Variants in SPATC1 observed in about 807,000 individuals in gnomAD.
The protein encoded by SPATC1 is speriolin.
In SPATC1, 35 loss-of-function variants were observed where a neutral mutation model predicts 36.5. The ratio of observed to expected loss-of-function variants is 0.96; its 90% CI spans 0.73 to 1.27. The LOEUF is 1.27. Ranked by LOEUF, SPATC1 falls within the 50% of genes most tolerant of loss-of-function variation. The probability of loss-of-function intolerance (pLI) is 0.00; values close to 1 mark genes in which losing one functional copy is unlikely to be tolerated. For missense variants in SPATC1, 779 were observed against 796.0 expected (o/e 0.98, Z 0.26); for synonymous variants, 361 against 353.6 (o/e 1.02, Z -0.24).
rs1289926620 is a variant in SPATC1, at chr8:144,041,813, A to C, written c.1446+442A>C. Among the ~76,000 whole-genome samples the C allele has an allele frequency of 1.3e-4, 20 of 152,306 alleles. No individual in the cohort carries two copies. In the South Asian group the frequency reaches 1.9e-3, roughly 14 times the overall value. On this transcript the variant is annotated intron_variant, in intron 4 of 4. Transcript: ENST00000377470. ...TCTCTTGAGAAAACAGCCCAGCTGCATTCCCGGCTGCTTTTTCTCTCCAGC... is the reference window on the plus strand; with the variant it reads ...TCTCTTGAGAAAACAGCCCAGCTGCCTTCCCGGCTGCTTTTTCTCTCCAGC...
chr8:144,046,883 C>G lies in SPATC1; in HGVS notation c.1703C>G (p.Ala568Gly). 1.3e-6 allele frequency: 2 copies of G among 1,599,950 alleles called. No individual in the cohort carries two copies. Among genetic ancestry groups the G allele is most frequent in the Non-Finnish European group, 1.7e-6 (2 of 1,179,766 alleles). ...VVETVHPGML[A>G]DALLLLSCLS... Reference sequence around the variant, plus strand: ...GAGACCGTGCACCCCGGCATGCTCGCCGACGCGCTGCTGCTGCTCTCCTGC... The same window carrying G: ...GAGACCGTGCACCCCGGCATGCTCGGCGACGCGCTGCTGCTGCTCTCCTGC... Residue 568 changes from alanine (A) to glycine (G), a missense_variant, in exon 5 of 5, where the codon GCC becomes GGC. By Grantham distance (60) the Ala-to-Gly change is moderately conservative. Coordinates refer to ENST00000377470, the MANE Select transcript of SPATC1 (RefSeq NM_198572.3). This position sits in a 1 kb window ranked among gnomAD's most constrained non-coding sequence, Gnocchi z 6.6.
At position 144,016,064 on chromosome 8, in the gene SPATC1, CAAAAAAA is replaced by C. The variant is rs574460237; in HGVS notation, c.211+3346_211+3352del. On this transcript the variant is annotated intron_variant, in intron 1 of 4. Transcript: ENST00000377470. The surrounding 1 kb of genome is among the most constrained non-coding windows in gnomAD (Gnocchi z 4.5). ...GCTGGAGACTTTTGAGACTCTGTCT[CAAAAAAA>C]AAAAAAAGAAAAAAGAAAGAAAGAA... Among the ~76,000 whole-genome samples the C allele has an allele frequency of 1.4e-3, 109 of 78,480 alleles. No individual in the cohort carries two copies. Among genetic ancestry groups the C allele is most frequent in the Non-Finnish European group, 1.4e-3 (51 of 36,138 alleles). 51.5% of individuals were successfully genotyped at this position (78,480 alleles called of 152,430 possible).
At chr8:144,029,634 T>G (rs1488871735) in intron 1 of SPATC1, among the ~76,000 whole-genome samples, 1 of 152,206 alleles carries the variant, frequency 6.6e-6, no homozygotes, top group Non-Finnish European at 1.5e-5. Flanking sequence ...TTTACAGATT[T>G]CCATCTGTTA....
chr8:144,029,066 G>A (rs1405556329), intron 1 of SPATC1, among the ~76,000 whole-genome samples: 3 of 151,838 alleles, frequency 2.0e-5, no homozygotes, highest in African/African-American at 4.8e-5. Flanking sequence ...GGTTGGGGGA[G>A]GGAGAGCATC....
intron 4 of SPATC1, among the ~76,000 whole-genome samples, chr8:144,044,515 C>A (rs1194393352): frequency 2.7e-5 from 4 of 148,786 alleles, no homozygotes; most frequent in African/African-American, 5.0e-5. Context: ...TCACAGTGTT[C>A]GCCAGGATGG....
intron 1 of SPATC1, among the ~76,000 whole-genome samples, chr8:144,026,101 C>T (rs1443475605): frequency 2.0e-5 from 3 of 152,082 alleles, no homozygotes; most frequent in East Asian, 3.9e-4. Flanking sequence ...CCTCTCACCA[C>T]CCCCTCCCCA....
intron 1 of SPATC1, 149 bp downstream of exon 1, chr8:144,012,875 ATGTGCTTCC>A: frequency 1.2e-6 from 1 of 819,282 alleles, no homozygotes; most frequent in Non-Finnish European, 1.9e-6. Flanking sequence ...TCACCAGACA[ATGTGCTTCC>A]TGTCCTGGAG....
intron 4 of SPATC1, chr8:144,041,956 GT>G: frequency 1.0e-6 from 1 of 985,304 alleles, no homozygotes; most frequent in Non-Finnish European, 1.2e-6. Context: ...AGTTTTGTGT[GT>G]GTGGGATTTT....
At chr8:144,036,950 C>G (rs1834910908) in intron 1 of SPATC1, among the ~76,000 whole-genome samples, 1 of 151,786 alleles carries the variant, frequency 6.6e-6, no homozygotes, top group African/African-American at 2.4e-5. Flanking sequence ...GATGCCGGAG[C>G]TGCTATGGTG....
At chr8:144,028,531 A>G (rs1321590064) in intron 1 of SPATC1, among the ~76,000 whole-genome samples, 2 of 152,226 alleles carry the variant, frequency 1.3e-5, no homozygotes, top group Non-Finnish European at 2.9e-5. Context: ...CACAATGGCA[A>G]TTATTAAAAA....
chr8:144,031,007 T>G (rs1447669850), intron 1 of SPATC1, among the ~76,000 whole-genome samples: 1 of 152,226 alleles, frequency 6.6e-6, no homozygotes, highest in Non-Finnish European at 1.5e-5. Context: ...TTATAATCAT[T>G]GTTTTATACA....
rs947447665 is a variant in SPATC1, at chr8:144,027,116, G to A, written c.212-12793G>A. Among the ~76,000 whole-genome samples, 9 of 151,428 alleles carry A rather than the reference G, an allele frequency of 5.9e-5. No homozygotes were observed. In the South Asian group the frequency reaches 1.9e-3, roughly 32 times the overall value. ...CAAACTGCTGGGATTACAGGCGTGAGCCACCACACCCAGCTTATTTCTTAA... is the reference window on the plus strand; with the variant it reads ...CAAACTGCTGGGATTACAGGCGTGAACCACCACACCCAGCTTATTTCTTAA... On this transcript the variant is annotated intron_variant, in intron 1 of 4. Transcript: ENST00000377470.
chr8:144,028,160 A>G (rs1834723415), intron 1 of SPATC1, among the ~76,000 whole-genome samples: 1 of 152,174 alleles, frequency 6.6e-6, no homozygotes, highest in African/African-American at 2.4e-5. Flanking sequence ...AGATTTCATG[A>G]CAGAAACTTC....
intron 4 of SPATC1, among the ~76,000 whole-genome samples, chr8:144,043,192 G>C (rs1257449166): frequency 1.3e-5 from 2 of 150,888 alleles, no homozygotes. Context: ...ATGGGGTTTT[G>C]CCATGTTGGC....
At chr8:144,038,001 C>T (rs1405029944) in intron 1 of SPATC1, among the ~76,000 whole-genome samples, 2 of 151,130 alleles carry the variant, frequency 1.3e-5, no homozygotes, top group African/African-American at 2.4e-5. Flanking sequence ...AGGTGGCGGG[C>T]GCCTGTAATC....
At chr8:144,017,383 C>T (rs1276662652) in intron 1 of SPATC1, among the ~76,000 whole-genome samples, 12 of 152,158 alleles carry the variant, frequency 7.9e-5, no homozygotes, top group African/African-American at 2.9e-4. Flanking sequence ...CTACCCTTCT[C>T]CCTTATGCTC....
At chr8:144,044,491 G>A (rs1295711724) in intron 4 of SPATC1, among the ~76,000 whole-genome samples, 1 of 148,874 alleles carries the variant, frequency 6.7e-6, no homozygotes, top group Non-Finnish European at 1.5e-5. Context: ...TGCATTTTTA[G>A]TAAAGACGGG....
In SPATC1 at chr8:144,045,840, C is replaced by A. The variant is rs1835244799; in HGVS notation, c.1447-787C>A. Among the ~76,000 whole-genome samples, 1 of 152,266 alleles carries A rather than the reference C, an allele frequency of 6.6e-6. No homozygotes were observed. The highest frequency in any genetic ancestry group is 1.5e-5 in the Non-Finnish European group (1 of 68,042). ...GAGCTGGGCACTGGGCTTCCCACAA[C>A]TGCCCAGGTCACACATCCAGGGGGC... is the stretch of plus-strand genomic sequence containing the variant. On this transcript the variant is annotated intron_variant, in intron 4 of 4. Transcript: ENST00000377470. This position sits in a 1 kb window ranked among gnomAD's most constrained non-coding sequence, Gnocchi z 5.2.
At chr8:144,039,820 G>A in intron 1 of SPATC1, 89 bp from the exon 2 acceptor site, 1 of 1,387,044 alleles carries the variant, frequency 7.2e-7, no homozygotes, top group South Asian at 1.3e-5. Context: ...CTATGGCCAG[G>A]CCCTACCACA....
Sources: allele counts gnomAD v4.1 joint callset (sites outside exome capture counted in the v4.1 genomes callset), GRCh38; gene constraint gnomAD v4.1.1; non-coding constraint Gnocchi (gnomAD v3.1); transcripts MANE v1.5; gene names NCBI Gene and HGNC (gene_info 2026-07-23, HGNC 2026-07-21).